The following NPHP4 variants were observed in gnomAD, a reference collection of about 807,000 sequenced individuals.
NPHP4 encodes the protein nephrocystin-4.
A neutral mutation model predicts 155.8 loss-of-function variants in NPHP4; 151 were observed. The observed-to-expected ratio is 0.97, with a 90% CI of 0.85 to 1.11. The LOEUF is 1.11. Ranked by LOEUF, NPHP4 falls within the 50% of genes least tolerant of loss-of-function variation. The probability of loss-of-function intolerance (pLI) is 0.00; values close to 1 mark genes in which losing one functional copy is unlikely to be tolerated. For synonymous variants in NPHP4, 845 were observed against 816.8 expected (o/e 1.03, Z -0.59); for missense variants, 1,956 against 1,925.7 (o/e 1.02, Z -0.29).
intron 23 of NPHP4, among the ~76,000 whole-genome samples, chr1:5,871,210 A>C (rs1641968304): frequency 6.6e-6 from 1 of 152,238 alleles, no homozygotes; most frequent in Non-Finnish European, 1.5e-5. Flanking sequence ...CTCTTCCTGT[A>C]ACTCTTCCCT....
intron 26 of NPHP4, 114 bp downstream of exon 26, chr1:5,866,259 G>T: frequency 1.3e-6 from 1 of 758,010 alleles, no homozygotes; most frequent in Non-Finnish European, 2.4e-6. Context: ...AGGCCCGAAA[G>T]CTCCCCCAAT....
chr1:5,950,093 C>T (rs1411039081), intron 7 of NPHP4, among the ~76,000 whole-genome samples: 1 of 152,102 alleles, frequency 6.6e-6, no homozygotes, highest in Non-Finnish European at 1.5e-5. Context: ...GAGAGGGTCC[C>T]TAAAAGTCCA....
At position 5,889,411 on chromosome 1, in the gene NPHP4, C is replaced by T. The variant is rs1464030654; in HGVS notation, c.2304+1457G>A. ...AAGATTTTATTTTAGAAAAGTGAAG[C>T]TTTAAATTTAATTTATTCAAGTCTA... is the stretch of plus-strand genomic sequence containing the variant. On this transcript the variant is annotated intron_variant, in intron 17 of 29. Transcript: ENST00000378156. This position sits in a 1 kb window ranked among gnomAD's most constrained non-coding sequence, Gnocchi z 4.2. 6.6e-6 allele frequency among the ~76,000 whole-genome samples: 1 copy of T among 152,206 alleles called. No homozygotes were observed. The highest frequency in any genetic ancestry group is 1.5e-5 in the Non-Finnish European group (1 of 68,048).
intron 5 of NPHP4, among the ~76,000 whole-genome samples, chr1:5,962,839 G>A (rs1650605124): frequency 6.6e-6 from 1 of 152,224 alleles, no homozygotes; most frequent in Admixed American, 6.5e-5. Context: ...CCAGAAACGG[G>A]AGTGCGGGGA....
chr1:5,866,978 C>T (rs905128562), intron 25 of NPHP4, 52 bp downstream of exon 25: 7 of 1,402,834 alleles, frequency 5.0e-6, no homozygotes, highest in African/African-American at 4.2e-5. Flanking sequence ...CCGACAGGGG[C>T]GCAGACTCAC....
At chr1:5,880,486 C>T (rs1031619222) in intron 18 of NPHP4, 61 of 491,190 alleles carry the variant, frequency 1.2e-4, no homozygotes, top group South Asian at 8.2e-4. Context: ...TTCCTGGTGA[C>T]GAATGAAAGC....
At chr1:5,908,611 G>A (rs747065921) in intron 12 of NPHP4, among the ~76,000 whole-genome samples, 10 of 152,010 alleles carry the variant, frequency 6.6e-5, no homozygotes, top group Admixed American at 1.3e-4. Flanking sequence ...ACGGCCCAGC[G>A]GGAAGGCGCC....
rs143951387 is a variant in NPHP4 at position 5,955,752 on chromosome 1, G to A, written c.674-2916C>T. On this transcript the variant is annotated intron_variant, in intron 6 of 29. Transcript: ENST00000378156. ...TGGTTATCAGAGACTGAGGAGGGGA[G>A]GGAGAGGTTGTCAAGGGGTCATGGT... Among the ~76,000 whole-genome samples, 105 of 152,320 alleles carry A rather than the reference G, an allele frequency of 6.9e-4. 1 individual carries two copies. In the East Asian group the frequency reaches 0.019, roughly 27 times the overall value.
At position 5,863,371 on chromosome 1, in the gene NPHP4, T is replaced by C. The variant is rs369759221; in HGVS notation, c.4175A>G (p.Gln1392Arg). ...GGGETYTIGL[Q>R]FAPSQRVGEE... Reference sequence around the variant, plus strand: ...ACCCACTCTCTGACTAGGCGCAAACTGCAAGCCGATGGTGTAGGTCTCTCC... The same window carrying C: ...ACCCACTCTCTGACTAGGCGCAAACCGCAAGCCGATGGTGTAGGTCTCTCC... Residue 1392 changes from glutamine (Q) to arginine (R), a missense_variant, in exon 30 of 30, where the codon CAG becomes CGG. Physicochemically the swap from Gln to Arg is conservative, Grantham distance 43. Coordinates refer to ENST00000378156, the MANE Select transcript of NPHP4 (RefSeq NM_015102.5). 36 of 1,613,878 alleles carry C rather than the reference T, an allele frequency of 2.2e-5. No individual in the cohort carries two copies. The highest frequency in any genetic ancestry group is 3.1e-5 in the Non-Finnish European group (36 of 1,179,878).
At chr1:5,960,904 C>T (rs1650199664) in intron 6 of NPHP4, among the ~76,000 whole-genome samples, 1 of 152,174 alleles carries the variant, frequency 6.6e-6, no homozygotes, top group African/African-American at 2.4e-5. Flanking sequence ...CAGGTCACTG[C>T]ACACCCATGT....
At chr1:5,933,360 G>A (rs1427345528) in intron 9 of NPHP4, 31 bp from the exon 10 acceptor site, 2 of 1,586,898 alleles carry the variant, frequency 1.3e-6, no homozygotes, top group Non-Finnish European at 1.7e-6. Flanking sequence ...ATCGGTGTAT[G>A]AGTTATCACA....
intron 23 of NPHP4, among the ~76,000 whole-genome samples, chr1:5,871,129 G>A (rs1641959100): frequency 6.6e-6 from 1 of 152,196 alleles, no homozygotes; most frequent in Admixed American, 6.5e-5. Flanking sequence ...CACAAACAGA[G>A]AGTGGCGAGG....
At chr1:5,887,258 G>A in intron 18 of NPHP4, 28 bp downstream of exon 18, 2 of 1,597,104 alleles carry the variant, frequency 1.3e-6, no homozygotes, top group Non-Finnish European at 1.7e-6. Flanking sequence ...GGCCGCTGGA[G>A]AAATGGCACA....
At chr1:5,977,094 C>T (rs1244540346) in intron 3 of NPHP4, among the ~76,000 whole-genome samples, 1 of 152,156 alleles carries the variant, frequency 6.6e-6, no homozygotes, top group African/African-American at 2.4e-5. Flanking sequence ...GCTGCACACC[C>T]GTCGTGCTCA....
At position 5,877,156 on chromosome 1, in the gene NPHP4, C is replaced by T. The variant is rs1272158916; in HGVS notation, c.2754G>A (p.Arg918=). The change falls in exon 20 of 30, where the codon CGG becomes CGA. Residue 918 remains arginine, a synonymous_variant. Transcript: ENST00000378156. The part of the protein sequence containing the change: ...SDATRRRKLE[R]MRSVRLQEAG... Reference sequence around the variant, plus strand: ...CCTCCTGCAGGCGCACAGACCTCATCCGCTCCAGCTTACGCCTGCGGGTGG... The same window carrying T: ...CCTCCTGCAGGCGCACAGACCTCATTCGCTCCAGCTTACGCCTGCGGGTGG... 1.9e-6 allele frequency: 3 copies of T among 1,604,636 alleles called. No individual in the cohort carries two copies. The African/African-American group carries it at 4.0e-5, about 21-fold the overall frequency.
rs543358353 is a variant in NPHP4, at chr1:5,864,943, A to C, written c.3816+159T>G. 1.1e-4 allele frequency: 75 copies of C among 671,642 alleles called. 1 individual carries two copies. In the African/African-American group the frequency reaches 1.3e-3, roughly 12 times the overall value. The allele number at this position is 671,642 out of a possible 1,614,324, so 41.6% of individuals were successfully genotyped here. A position where few individuals can be genotyped will look rare whatever the true frequency, so the allele number is the denominator to read the frequency against. ...ACCCCACAATGGCACATCTAACGAA[A>C]GGCAACTGCCGAGAGGCCTCTGGTA... On this transcript the variant is annotated intron_variant, in intron 27 of 29. Transcript: ENST00000378156.
At chr1:5,932,828 CAT>C (rs1646345114) in intron 10 of NPHP4, among the ~76,000 whole-genome samples, 1 of 152,168 alleles carries the variant, frequency 6.6e-6, no homozygotes, top group Non-Finnish European at 1.5e-5. Context: ...GTAAAGGCCA[CAT>C]GAGGCCCAAG....
At chr1:5,925,968 GA>G (rs1645982755) in intron 11 of NPHP4, among the ~76,000 whole-genome samples, 1 of 152,068 alleles carries the variant, frequency 6.6e-6, no homozygotes, top group South Asian at 2.1e-4. Context: ...TTAGTTTTTT[GA>G]AATTATGTGT....
In NPHP4 at chr1:5,905,137, G is replaced by T. The variant is rs1287294601; in HGVS notation, c.1955+155C>A. On this transcript the variant is annotated intron_variant, in intron 15 of 29. Coordinates refer to ENST00000378156, the MANE Select transcript of NPHP4 (RefSeq NM_015102.5). This position sits in a 1 kb window ranked among gnomAD's most constrained non-coding sequence, Gnocchi z 4.0. The stretch of plus-strand genomic sequence containing the variant: ...TCACAGCATTTAGCATGCTGTGGGT[G>T]GGTCCTAGCCAAGAGAAGATAAAAA... 6.6e-6 allele frequency among the ~76,000 whole-genome samples: 1 copy of T among 152,152 alleles called. No individual in the cohort carries two copies. The highest frequency in any genetic ancestry group is 1.5e-5 in the Non-Finnish European group (1 of 68,032).
Sources: allele counts gnomAD v4.1 joint callset (sites outside exome capture counted in the v4.1 genomes callset), GRCh38; gene constraint gnomAD v4.1.1; non-coding constraint Gnocchi (gnomAD v3.1); transcripts MANE v1.5; gene names NCBI Gene and HGNC (gene_info 2026-07-23, HGNC 2026-07-21).